Variants in HECTD4 observed in about 807,000 individuals in gnomAD.
HECTD4 encodes the protein probable E3 ubiquitin-protein ligase HECTD4.
A neutral mutation model predicts 471.5 loss-of-function variants in HECTD4; 114 were observed. The observed-to-expected ratio is 0.24, with a 90% CI of 0.21 to 0.28. The LOEUF (loss-of-function observed/expected upper bound fraction) is 0.28. HECTD4 is among the 10% of genes least tolerant of loss of function. The probability of loss-of-function intolerance (pLI) is 1.00; values close to 1 mark genes in which losing one functional copy is unlikely to be tolerated. For synonymous variants in HECTD4, 2,012 were observed against 2,256.0 expected (o/e 0.89, Z 3.07); for missense variants, 3,866 against 5,651.5 (o/e 0.68, Z 10.13).
chr12:112,277,812 G>T (rs938625607), intron 9 of HECTD4, among the ~76,000 whole-genome samples: 8 of 152,084 alleles, frequency 5.3e-5, no homozygotes, highest in Non-Finnish European at 1.0e-4. Context: ...TCTCCATAAT[G>T]TGTCAAGTGT....
At chr12:112,246,599 C>T (rs1215160893) in intron 29 of HECTD4, among the ~76,000 whole-genome samples, 1 of 152,094 alleles carries the variant, frequency 6.6e-6, no homozygotes, top group African/African-American at 2.4e-5. Context: ...TGCGCCACTG[C>T]ACTCTAGTCT....
intron 37 of HECTD4, among the ~76,000 whole-genome samples, chr12:112,234,665 T>C (rs2033459336): frequency 2.0e-5 from 3 of 152,238 alleles, no homozygotes; most frequent in African/African-American, 7.2e-5. Context: ...CTCTTGTTTC[T>C]CCAACTCACA....
intron 54 of HECTD4, 66 bp from the exon 55 acceptor site, chr12:112,200,864 C>CGT (rs748581302): frequency 3.6e-6 from 5 of 1,394,274 alleles, no homozygotes; most frequent in East Asian, 2.6e-5. Context: ...TGCGTGCGTG[C>CGT]GTGTGTGTGT....
At chr12:112,175,986 G>C in intron 65 of HECTD4, 127 bp from the exon 66 acceptor site, 1 of 1,211,418 alleles carries the variant, frequency 8.3e-7, no homozygotes, top group East Asian at 2.6e-5. Flanking sequence ...TCTCCCTCCC[G>C]TAACTCTGGG....
Position 112,319,757 on chromosome 12 carries a change from G to A in HECTD4, c.178-15C>T. The A allele has an allele frequency of 3.2e-6, 4 of 1,244,920 alleles. No individual in the cohort carries two copies. Among genetic ancestry groups the A allele is most frequent in the Non-Finnish European group, 4.0e-6 (4 of 994,730 alleles). 77.1% of individuals were successfully genotyped at this position (1,244,920 alleles called of 1,614,324 possible). On this transcript the variant is annotated splice_polypyrimidine_tract_variant and intron_variant, in intron 1 of 75. Transcript: ENST00000682272. This position sits in a 1 kb window ranked among gnomAD's most constrained non-coding sequence, Gnocchi z 5.3. ...AAGGTTAAAATCTAAGGAAAAAGAC[G>A]ATGGAGAAGTGGGTAAATATTACTT...
At chr12:112,277,693 T>G (rs1222046220) in intron 9 of HECTD4, among the ~76,000 whole-genome samples, 1 of 152,218 alleles carries the variant, frequency 6.6e-6, no homozygotes, top group African/African-American at 2.4e-5. Context: ...GAATTGTGCA[T>G]GAATAGAGAA....
chr12:112,362,646 G>A (rs914595383), intron 1 of HECTD4, among the ~76,000 whole-genome samples: 8 of 152,154 alleles, frequency 5.3e-5, no homozygotes, highest in Non-Finnish European at 1.0e-4. Context: ...GGAGGCAGGT[G>A]GGGAGCGTTA....
chr12:112,170,291 C>T (rs759985743), intron 69 of HECTD4, 42 bp downstream of exon 69: 2 of 1,607,224 alleles, frequency 1.2e-6, no homozygotes, highest in Non-Finnish European at 1.7e-6. Flanking sequence ...TGTGTTTAGG[C>T]ACTGCCATTT....
Position 112,163,028 on chromosome 12 carries a change from G to A in HECTD4, c.13120+14C>T. ...TGTGTCCCTACTTGGGACATGGCCA[G>A]GGGAGGGCGGTACCTGCTGTGCCAT... On this transcript the variant is annotated intron_variant, in intron 75 of 75. Transcript: ENST00000682272. This position sits in a 1 kb window ranked among gnomAD's most constrained non-coding sequence, Gnocchi z 8.2. 2 of 1,584,256 alleles carry A rather than the reference G, an allele frequency of 1.3e-6. No homozygotes were observed. The highest frequency in any genetic ancestry group is 1.7e-6 in the Non-Finnish European group (2 of 1,157,290).
intron 7 of HECTD4, among the ~76,000 whole-genome samples, chr12:112,288,625 T>C (rs2034808842): frequency 6.6e-6 from 1 of 152,026 alleles, no homozygotes; most frequent in Non-Finnish European, 1.5e-5. Flanking sequence ...CAACACAATG[T>C]CTCAAAAAAA....
At chr12:112,362,563 C>T (rs1025800543) in intron 1 of HECTD4, among the ~76,000 whole-genome samples, 2 of 152,158 alleles carry the variant, frequency 1.3e-5, no homozygotes, top group African/African-American at 4.8e-5. Context: ...ATCACTCATA[C>T]GTGCACTCAC....
chr12:112,260,493 A>G (rs1261580686), intron 18 of HECTD4, among the ~76,000 whole-genome samples: 1 of 152,214 alleles, frequency 6.6e-6, no homozygotes, highest in African/African-American at 2.4e-5. Flanking sequence ...ATTACACTGT[A>G]GGATTCTTTT....
At chr12:112,345,668 G>A (rs926754794) in intron 1 of HECTD4, among the ~76,000 whole-genome samples, 2 of 152,102 alleles carry the variant, frequency 1.3e-5, no homozygotes, top group African/African-American at 4.8e-5. Flanking sequence ...TGGCCAGGCC[G>A]GTGGCTCACG....
chr12:112,243,890 T>C lies in HECTD4; in HGVS notation c.4633A>G (p.Thr1545Ala), dbSNP rs770474571. ...EMIGNEDLEFTRANQRRRHVT... is the reference protein window; with the variant it reads ...EMIGNEDLEFARANQRRRHVT... Reference sequence around the variant, plus strand: ...GCCATTTACCTCTGATTTGCTCTAGTAAATTCCAAATCTTCATTACCAATC... The same window carrying C: ...GCCATTTACCTCTGATTTGCTCTAGCAAATTCCAAATCTTCATTACCAATC... The change falls in exon 30 of 76, where the codon ACT becomes GCT. Residue 1545 changes from threonine (T) to alanine (A), a missense_variant. By Grantham distance (58) the Thr-to-Ala change is moderately conservative. This residue lies in a region of HECTD4 where 229 missense variants were observed against 386.4 expected (regional missense o/e 0.59). Coordinates refer to ENST00000682272, the MANE Select transcript of HECTD4 (RefSeq NM_001388303.1). This position sits in a 1 kb window ranked among gnomAD's most constrained non-coding sequence, Gnocchi z 6.6. The C allele has an allele frequency of 5.6e-6, 9 of 1,614,054 alleles. No individual in the cohort carries two copies. The South Asian group carries it at 9.9e-5, about 18-fold the overall frequency.
At chr12:112,265,148 G>C in intron 16 of HECTD4, 27 bp downstream of exon 16, 1 of 1,568,742 alleles carries the variant, frequency 6.4e-7, no homozygotes. Context: ...ATATAATTTT[G>C]CTTTCATTAA....
rs770826340 is a variant in HECTD4, at chr12:112,171,871, G to A, written c.11786-608C>T. Among the ~76,000 whole-genome samples, 6 of 152,310 alleles carry A rather than the reference G, an allele frequency of 3.9e-5. No individual in the cohort carries two copies. The South Asian group carries it at 6.2e-4, about 16-fold the overall frequency. On this transcript the variant is annotated intron_variant, in intron 67 of 75. Coordinates refer to ENST00000682272, the MANE Select transcript of HECTD4 (RefSeq NM_001388303.1). ...CGCCAATACCTTGTAAACGGGGGGC[G>A]TCTGGGAATTAACAATTTATTTTTT...
At chr12:112,302,786 T>C (rs2035191640) in intron 7 of HECTD4, 1 of 269,262 alleles carries the variant, frequency 3.7e-6, no homozygotes. Flanking sequence ...TTTTGTTTAA[T>C]TTTAAAACTT....
At chr12:112,372,361 G>A (rs912802601) in intron 1 of HECTD4, among the ~76,000 whole-genome samples, 6 of 152,030 alleles carry the variant, frequency 3.9e-5, no homozygotes, top group Non-Finnish European at 7.4e-5. Flanking sequence ...CTGGGTTCAC[G>A]CCGTTCTCCT....
chr12:112,342,411 C>T (rs1463869042), intron 1 of HECTD4, among the ~76,000 whole-genome samples: 1 of 152,072 alleles, frequency 6.6e-6, no homozygotes, highest in Admixed American at 6.5e-5. Flanking sequence ...GAGCAATGAC[C>T]GTACCACTGC....
Sources: allele counts gnomAD v4.1 joint callset (sites outside exome capture counted in the v4.1 genomes callset), GRCh38; gene constraint gnomAD v4.1.1; regional missense constraint gnomAD v4.1.1; non-coding constraint Gnocchi (gnomAD v3.1); transcripts MANE v1.5; gene names NCBI Gene and HGNC (gene_info 2026-07-23, HGNC 2026-07-21).